The following STPG2 variants were observed in gnomAD, a reference collection of about 807,000 sequenced individuals.
The protein encoded by STPG2 is sperm tail PG-rich repeat containing 2, also known as sperm-tail PG-rich repeat-containing protein 2.
STPG2 carries 56 observed loss-of-function variants against 54.2 expected under a neutral mutation model. The observed-to-expected ratio is 1.03, with a 90% confidence interval of 0.83 to 1.29. The LOEUF is 1.29. Ranked by LOEUF, STPG2 falls within the 50% of genes most tolerant of loss-of-function variation. The pLI is 0.00. For synonymous variants in STPG2, 200 were observed against 181.8 expected (o/e 1.10, Z -0.81); for missense variants, 596 against 544.9 (o/e 1.09, Z -0.93).
At chr4:97,874,703 T>C (rs1334586444) in intron 8 of STPG2, among the ~76,000 whole-genome samples, 1 of 151,776 alleles carries the variant, frequency 6.6e-6, no homozygotes, top group Non-Finnish European at 1.5e-5. Flanking sequence ...TATATGTATA[T>C]CCTATGGACT....
intron 10 of STPG2, among the ~76,000 whole-genome samples, chr4:97,694,579 C>A (rs751754245): frequency 6.6e-6 from 1 of 151,520 alleles, no homozygotes. Context: ...GAGGCCGAGG[C>A]GGGTGGATCA....
At chr4:97,605,212 G>T (rs941319803) in intron 10 of STPG2, among the ~76,000 whole-genome samples, 1 of 151,702 alleles carries the variant, frequency 6.6e-6, no homozygotes, top group African/African-American at 2.4e-5. Flanking sequence ...CAAGCATAGG[G>T]ATGTGAACTT....
At chr4:98,095,150 C>T (rs1017905926) in intron 5 of STPG2, among the ~76,000 whole-genome samples, 1 of 152,048 alleles carries the variant, frequency 6.6e-6, no homozygotes, top group African/African-American at 2.4e-5. Context: ...TTGGAAGCCT[C>T]ATGGTAGCCT....
chr4:97,983,607 C>G (rs1381192329), intron 5 of STPG2, among the ~76,000 whole-genome samples: 2 of 152,128 alleles, frequency 1.3e-5, no homozygotes, highest in Non-Finnish European at 2.9e-5. Flanking sequence ...TCGTTTAGAA[C>G]TTACTTTCTG....
intron 5 of STPG2, among the ~76,000 whole-genome samples, chr4:98,007,604 C>A (rs1431064919): frequency 6.6e-6 from 1 of 151,940 alleles, no homozygotes; most frequent in African/African-American, 2.4e-5. Flanking sequence ...AGCAATGGAT[C>A]CTAACTGAAA....
At chr4:97,732,132 A>G (rs1724817926) in intron 9 of STPG2, among the ~76,000 whole-genome samples, 1 of 152,136 alleles carries the variant, frequency 6.6e-6, no homozygotes, top group Non-Finnish European at 1.5e-5. Flanking sequence ...TCAGAGCAAG[A>G]TGGAGAGCCT....
In STPG2 at chr4:97,946,748, C is replaced by T. The variant is rs567772049; in HGVS notation, c.934-2741G>A. On this transcript the variant is annotated intron_variant, in intron 7 of 10. Transcript: ENST00000295268. ...GCATTCTCTATTCTGATCCATTGAT[C>T]TATATGTCTACTTTTATATAAGTAC... is the stretch of plus-strand genomic sequence containing the variant. Among the ~76,000 whole-genome samples the T allele has an allele frequency of 1.0e-3, 155 of 152,196 alleles. 1 individual carries two copies. The highest frequency in any genetic ancestry group is 3.7e-3 in the African/African-American group (153 of 41,534).
chr4:98,070,023 T>A (rs180859701), intron 5 of STPG2, among the ~76,000 whole-genome samples: 4 of 152,186 alleles, frequency 2.6e-5, no homozygotes, highest in Admixed American at 6.5e-5. Context: ...GACTCCTACC[T>A]GACTCATTTT....
At chr4:97,811,566 G>C (rs1050951246) in intron 9 of STPG2, among the ~76,000 whole-genome samples, 1 of 151,910 alleles carries the variant, frequency 6.6e-6, no homozygotes, top group African/African-American at 2.4e-5. Flanking sequence ...TATATAAGTG[G>C]TTGGGGCAGA....
intron 3 of STPG2, among the ~76,000 whole-genome samples, chr4:98,122,124 G>A (rs763590465): frequency 2.6e-5 from 4 of 152,080 alleles, no homozygotes; most frequent in Non-Finnish European, 5.9e-5. Context: ...CTTTCTAGAT[G>A]TAGAATCATG....
intron 5 of STPG2, among the ~76,000 whole-genome samples, chr4:98,039,083 T>G (rs551581541): frequency 2.6e-5 from 4 of 152,072 alleles, no homozygotes; most frequent in African/African-American, 9.6e-5. Flanking sequence ...GCTAATAAAG[T>G]TGAAAATGCA....
chr4:97,704,682 TA>T (rs1723886808), intron 10 of STPG2, among the ~76,000 whole-genome samples: 1 of 152,186 alleles, frequency 6.6e-6, no homozygotes, highest in African/African-American at 2.4e-5. Flanking sequence ...AACCAATTTC[TA>T]AAACCAAAAG....
chr4:97,485,869 A>T (rs1352654117), intron 4 of STPG2, among the ~76,000 whole-genome samples: 1 of 151,934 alleles, frequency 6.6e-6, no homozygotes, highest in African/African-American at 2.4e-5. Flanking sequence ...AACAGAATAG[A>T]GAACCCAGAA....
At chr4:97,649,860 ACATTT>A (rs1722016060) in intron 10 of STPG2, among the ~76,000 whole-genome samples, 1 of 152,082 alleles carries the variant, frequency 6.6e-6, no homozygotes, top group South Asian at 2.1e-4. Flanking sequence ...CGAGCACATT[ACATTT>A]ATTATCCACT....
At chr4:97,668,156 T>G (rs994697870) in intron 10 of STPG2, among the ~76,000 whole-genome samples, 2 of 152,130 alleles carry the variant, frequency 1.3e-5, no homozygotes, top group Non-Finnish European at 2.9e-5. Flanking sequence ...AGGACTGCAC[T>G]TAAGAATAAG....
At chr4:97,940,506 T>A (rs1484149650) in intron 8 of STPG2, among the ~76,000 whole-genome samples, 1 of 152,226 alleles carries the variant, frequency 6.6e-6, no homozygotes, top group Admixed American at 6.5e-5. Flanking sequence ...CTTTTTGTTC[T>A]TTTTTCTCTG....
At chr4:98,022,341 T>G (rs1259203396) in intron 5 of STPG2, among the ~76,000 whole-genome samples, 1 of 152,016 alleles carries the variant, frequency 6.6e-6, no homozygotes, top group Non-Finnish European at 1.5e-5. Flanking sequence ...TGTTGAATAT[T>G]GGCCCCCACT....
intron 2 of STPG2, among the ~76,000 whole-genome samples, chr4:98,132,636 T>C (rs1402127770): frequency 2.0e-5 from 3 of 151,934 alleles, no homozygotes; most frequent in Admixed American, 2.0e-4. Flanking sequence ...TTCTGATATA[T>C]AAAAGAAGCA....
intron 10 of STPG2, among the ~76,000 whole-genome samples, chr4:97,705,414 C>T (rs1419627879): frequency 3.9e-5 from 6 of 152,030 alleles, no homozygotes; most frequent in Middle Eastern, 3.4e-3. Flanking sequence ...CAACCTCCAT[C>T]TCCCAAGTTC....
Sources: gnomAD v4.1 joint callset for allele counts (sites outside exome capture counted in the v4.1 genomes callset) on GRCh38, gnomAD v4.1.1 for gene constraint, MANE v1.5 for transcripts, NCBI Gene and HGNC (gene_info 2026-07-23, HGNC 2026-07-21) for gene names.